Variants in CDX1 observed in about 807,000 individuals in gnomAD.
CDX1 encodes the protein homeobox protein CDX-1.
In CDX1, 9 loss-of-function variants were observed where a neutral mutation model predicts 16.9. The ratio of observed to expected loss-of-function variants is 0.53; its 90% CI spans 0.32 to 0.93. The LOEUF (loss-of-function observed/expected upper bound fraction) is 0.93. CDX1 is among the 40% of genes least tolerant of loss of function. The pLI is 0.04. For missense variants in CDX1, 393 were observed against 386.1 expected, an observed-to-expected ratio of 1.02 and a Z score of -0.15; for synonymous variants, 179 against 179.0, an observed-to-expected ratio of 1.00 and a Z score of 0.00.
chr5:150,167,883 C>T (rs944725182), intron 1 of CDX1, among the ~76,000 whole-genome samples: 1 of 152,230 alleles, frequency 6.6e-6, no homozygotes, highest in Non-Finnish European at 1.5e-5. Context: ...ACCTTACCTT[C>T]TCAGGGTCCT....
chr5:150,173,283 C>T (rs1376366071), intron 1 of CDX1, among the ~76,000 whole-genome samples: 1 of 152,210 alleles, frequency 6.6e-6, no homozygotes. Flanking sequence ...TGCTCCTAGG[C>T]ATTGGAGATG....
rs1284012040 is a variant in CDX1 at position 150,166,912 on chromosome 5, C to T, written c.36C>T (p.Pro12=). ...YVGYVLDKDS[P]VYPGPARPAS... is the part of the protein sequence containing the mutation. ...GCTATGTGCTGGACAAGGATTCGCC[C>T]GTGTACCCCGGCCCAGCCAGGCCAG... The change falls in exon 1 of 3, where the codon CCC becomes CCT. Residue 12 remains proline, a synonymous_variant. Coordinates refer to ENST00000231656, the MANE Select transcript of CDX1 (RefSeq NM_001804.3). The T allele has an allele frequency of 2.6e-6, 4 of 1,517,148 alleles. No homozygotes were observed. The African/African-American group carries it at 5.8e-5, about 22-fold the overall frequency. 94.0% of individuals were successfully genotyped at this position (1,517,148 alleles called of 1,614,324 possible).
intron 1 of CDX1, among the ~76,000 whole-genome samples, chr5:150,171,652 TG>T (rs1761508969): frequency 6.6e-6 from 1 of 152,234 alleles, no homozygotes; most frequent in East Asian, 1.9e-4. Context: ...GCCATTTCTT[TG>T]TTGTAAAATC....
At chr5:150,167,763 C>G (rs1761451736) in intron 1 of CDX1, among the ~76,000 whole-genome samples, 1 of 152,380 alleles carries the variant, frequency 6.6e-6, no homozygotes, top group South Asian at 2.1e-4. Context: ...GGGCAGGTGA[C>G]TTTCCTGGCC....
In CDX1 at chr5:150,183,555, C is replaced by A. The variant is rs1752498423; in HGVS notation, c.673C>A (p.Pro225Thr). The change falls in exon 3 of 3, where the codon CCG becomes ACG. Residue 225 changes from proline to threonine, a missense_variant. Coordinates refer to ENST00000231656, the MANE Select transcript of CDX1 (RefSeq NM_001804.3). Reference sequence around the variant, plus strand: ...ACAGCAGCAGCAACAGCCCCCACAGCCGCCGATGGCCCACGACATCACGGC... The same window carrying A: ...ACAGCAGCAGCAACAGCCCCCACAGACGCCGATGGCCCACGACATCACGGC... ...KKQQQQQPPQ[P>T]PMAHDITATP... 1 of 1,612,616 alleles carries A rather than the reference C, an allele frequency of 6.2e-7. No homozygotes were observed. Among genetic ancestry groups the A allele is most frequent in the East Asian group, 2.2e-5 (1 of 44,848 alleles).
chr5:150,181,954 C>A (rs539787833), intron 1 of CDX1, among the ~76,000 whole-genome samples: 1 of 152,144 alleles, frequency 6.6e-6, no homozygotes, highest in Non-Finnish European at 1.5e-5. Flanking sequence ...GACCAGCCTC[C>A]GGCCTCTGGT....
intron 1 of CDX1, among the ~76,000 whole-genome samples, chr5:150,173,087 A>T (rs1252135569): frequency 6.6e-6 from 1 of 152,102 alleles, no homozygotes; most frequent in Non-Finnish European, 1.5e-5. Context: ...CCATCAACAG[A>T]AAGAGGGAGC....
At chr5:150,174,089 A>G (rs1404517372) in intron 1 of CDX1, among the ~76,000 whole-genome samples, 2 of 152,352 alleles carry the variant, frequency 1.3e-5, no homozygotes, top group Non-Finnish European at 2.9e-5. Flanking sequence ...CAGGGAGCCA[A>G]GGCCTAAGGG....
rs979335843 is a variant in CDX1 at position 150,168,995 on chromosome 5, G to A, written c.445+1674G>A. ...TGTTCTATGAGAGGAGGTGGTGGCA[G>A]CACCAGTGCTCAGGATCCTGCAGTT... is the stretch of plus-strand genomic sequence containing the variant. On this transcript the variant is annotated intron_variant, in intron 1 of 2. Coordinates refer to ENST00000231656, the MANE Select transcript of CDX1 (RefSeq NM_001804.3). 8.5e-5 allele frequency among the ~76,000 whole-genome samples: 13 copies of A among 152,210 alleles called. 1 individual carries two copies. Among genetic ancestry groups the A allele is most frequent in the African/African-American group, 3.1e-4 (13 of 41,450 alleles).
intron 1 of CDX1, among the ~76,000 whole-genome samples, chr5:150,179,811 A>G (rs887193034): frequency 4.6e-5 from 7 of 152,156 alleles, no homozygotes; most frequent in African/African-American, 1.4e-4. Flanking sequence ...CAGAAGTAGC[A>G]ATGGAGGGGT....
intron 1 of CDX1, among the ~76,000 whole-genome samples, chr5:150,179,024 G>A (rs1761607872): frequency 6.6e-6 from 1 of 152,076 alleles, no homozygotes; most frequent in Admixed American, 6.5e-5. Flanking sequence ...AGAAACAGAT[G>A]GAGCTTTGGG....
intron 1 of CDX1, among the ~76,000 whole-genome samples, chr5:150,170,855 C>T (rs1368911988): frequency 1.3e-5 from 2 of 152,134 alleles, no homozygotes; most frequent in African/African-American, 2.4e-5. Context: ...GACTACAAGA[C>T]GTTCTTTTTT....
intron 1 of CDX1, among the ~76,000 whole-genome samples, chr5:150,172,225 CACTG>C (rs1344433232): frequency 6.6e-6 from 1 of 152,230 alleles, no homozygotes; most frequent in African/African-American, 2.4e-5. Flanking sequence ...TTATCCCTGC[CACTG>C]ACCATCTGTA....
At chr5:150,179,854 T>G (rs538708381) in intron 1 of CDX1, among the ~76,000 whole-genome samples, 1 of 152,202 alleles carries the variant, frequency 6.6e-6, no homozygotes, top group Non-Finnish European at 1.5e-5. Flanking sequence ...TACCAACACT[T>G]TGGGGGCTCC....
At chr5:150,172,221 C>T (rs1395128468) in intron 1 of CDX1, among the ~76,000 whole-genome samples, 1 of 152,242 alleles carries the variant, frequency 6.6e-6, no homozygotes, top group Admixed American at 6.5e-5. Flanking sequence ...TTGTTTATCC[C>T]TGCCACTGAC....
chr5:150,177,476 G>A (rs906358595), intron 1 of CDX1, among the ~76,000 whole-genome samples: 1 of 152,142 alleles, frequency 6.6e-6, no homozygotes, highest in Admixed American at 6.5e-5. Flanking sequence ...CCTGTATGCC[G>A]CAGGGTTGGA....
chr5:150,175,513 G>C (rs1761557529), intron 1 of CDX1, among the ~76,000 whole-genome samples: 1 of 152,040 alleles, frequency 6.6e-6, no homozygotes, highest in African/African-American at 2.4e-5. Context: ...CTCCCAAAAT[G>C]GCTGGCCTGG....
intron 1 of CDX1, among the ~76,000 whole-genome samples, chr5:150,179,613 T>C (rs1761614865): frequency 1.3e-5 from 2 of 152,142 alleles, no homozygotes; most frequent in Admixed American, 6.5e-5. Flanking sequence ...GCTAGGACTC[T>C]AAGGAAAAAG....
intron 1 of CDX1, among the ~76,000 whole-genome samples, chr5:150,178,390 T>C (rs1319045396): frequency 6.6e-6 from 1 of 152,160 alleles, no homozygotes; most frequent in African/African-American, 2.4e-5. Context: ...GCCCAGAGGA[T>C]TACTTATTAG....
Sources: gnomAD v4.1 joint callset for allele counts (sites outside exome capture counted in the v4.1 genomes callset) on GRCh38, gnomAD v4.1.1 for gene constraint, MANE v1.5 for transcripts, NCBI Gene and HGNC (gene_info 2026-07-23, HGNC 2026-07-21) for gene names.